Variants in EPHA6 observed in about 807,000 individuals in gnomAD.
EPHA6 encodes the protein EPH receptor A6, also known as ephrin type-A receptor 6.
In EPHA6, 50 loss-of-function variants were observed where a neutral mutation model predicts 112.0. The observed-to-expected ratio is 0.45, with a 90% CI of 0.36 to 0.56. The LOEUF (loss-of-function observed/expected upper bound fraction) is 0.56, where lower values mean the gene tolerates loss of function less well. Among genes scored for constraint, EPHA6 ranks in the 20% least tolerant of loss-of-function variants. EPHA6 has a pLI of 0.00. For synonymous variants in EPHA6, 529 were observed against 490.7 expected, an observed-to-expected ratio of 1.08 and a Z score of -1.03; for missense variants, 1,280 against 1,417.4, an observed-to-expected ratio of 0.90 and a Z score of 1.56.
At chr3:97,348,930 T>G (rs2083668705) in intron 5 of EPHA6, among the ~76,000 whole-genome samples, 1 of 152,204 alleles carries the variant, frequency 6.6e-6, no homozygotes, top group East Asian at 1.9e-4. Context: ...TTTTACCAAA[T>G]AGACAATTAT....
intron 14 of EPHA6, among the ~76,000 whole-genome samples, chr3:97,707,305 G>C (rs1444984553): frequency 6.6e-6 from 1 of 152,038 alleles, no homozygotes; most frequent in African/African-American, 2.4e-5. Context: ...GTAAAAAGAA[G>C]AATGAAAGAT....
chr3:96,900,610 C>T (rs1175687593), intron 2 of EPHA6, among the ~76,000 whole-genome samples: 2 of 152,180 alleles, frequency 1.3e-5, no homozygotes, highest in African/African-American at 4.8e-5. Flanking sequence ...ACGGCTGTGA[C>T]AGCAAGCATG....
intron 1 of EPHA6, among the ~76,000 whole-genome samples, chr3:96,863,005 C>A (rs1282795845): frequency 6.6e-6 from 1 of 151,940 alleles, no homozygotes; most frequent in Non-Finnish European, 1.5e-5. Context: ...TGCAGTTACA[C>A]AGACACATTC....
chr3:97,109,797 A>C (rs1576504145), intron 3 of EPHA6, among the ~76,000 whole-genome samples: 1 of 152,148 alleles, frequency 6.6e-6, no homozygotes, highest in Non-Finnish European at 1.5e-5. Flanking sequence ...GACCTTATGA[A>C]GATATGGCCT....
chr3:96,921,701 G>T (rs1241500988), intron 2 of EPHA6, among the ~76,000 whole-genome samples: 1 of 151,586 alleles, frequency 6.6e-6, no homozygotes, highest in African/African-American at 2.4e-5. Context: ...CCAACTAGCT[G>T]GTACTACAGG....
chr3:96,955,708 A>G (rs1559621208), intron 2 of EPHA6, among the ~76,000 whole-genome samples: 3 of 152,332 alleles, frequency 2.0e-5, no homozygotes, highest in African/African-American at 7.2e-5. Flanking sequence ...ACCTTCACGG[A>G]TGGAATTCAA....
intron 5 of EPHA6, among the ~76,000 whole-genome samples, chr3:97,294,484 AT>A (rs2080807017): frequency 6.6e-6 from 1 of 152,174 alleles, no homozygotes; most frequent in Non-Finnish European, 1.5e-5. Context: ...ACCAGTCTAT[AT>A]TTTTCAGTAG....
At chr3:96,956,901 T>TA (rs1365405771) in intron 2 of EPHA6, among the ~76,000 whole-genome samples, 4 of 151,644 alleles carry the variant, frequency 2.6e-5, no homozygotes, top group African/African-American at 4.8e-5. Flanking sequence ...GGTGTGGTGA[T>TA]ACGTGCCTGT....
Position 97,242,369 on chromosome 3 carries a change from C to T in EPHA6, c.1271-1583C>T, listed in dbSNP as rs563640887. The stretch of plus-strand genomic sequence containing the variant: ...GAACAAGAATGGCATACTTTCTATT[C>T]CTAATATTTTTCCCACCCCTCTGCA... On this transcript the variant is annotated intron_variant, in intron 4 of 17. Transcript: ENST00000389672. Among the ~76,000 whole-genome samples, 116 of 151,892 alleles carry T rather than the reference C, an allele frequency of 7.6e-4. 1 individual carries two copies. The Middle Eastern group carries it at 0.01, about 13-fold the overall frequency.
At position 97,102,651 on chromosome 3, in the gene EPHA6, G is replaced by T. The variant is rs1345356791; in HGVS notation, c.1114+114658G>T. Among the ~76,000 whole-genome samples, 5 of 152,078 alleles carry T rather than the reference G, an allele frequency of 3.3e-5. No homozygotes were observed. In the East Asian group the frequency reaches 7.7e-4, roughly 23 times the overall value. On this transcript the variant is annotated intron_variant, in intron 3 of 17. Transcript: ENST00000389672. Reference sequence around the variant, plus strand: ...TGGGTATATACCCAGTAATGGGATTGCTGGGTTAAATGGTAGTTCTGTTTT... The same window carrying T: ...TGGGTATATACCCAGTAATGGGATTTCTGGGTTAAATGGTAGTTCTGTTTT...
chr3:97,538,993 TTCTTTC>T (rs2092802226), intron 11 of EPHA6, among the ~76,000 whole-genome samples: 1 of 142,518 alleles, frequency 7.0e-6, no homozygotes, highest in Non-Finnish European at 1.5e-5. Flanking sequence ...CTTTCTTTCT[TTCTTTC>T]TTTCTTTCTT....
At chr3:97,570,764 T>G (rs1422624976) in intron 11 of EPHA6, among the ~76,000 whole-genome samples, 1 of 152,066 alleles carries the variant, frequency 6.6e-6, no homozygotes, top group African/African-American at 2.4e-5. Context: ...CTTTAAATGT[T>G]AAACCATGAC....
At chr3:96,853,193 T>G (rs554492161) in intron 1 of EPHA6, among the ~76,000 whole-genome samples, 5 of 152,016 alleles carry the variant, frequency 3.3e-5, no homozygotes, top group Admixed American at 2.0e-4. Context: ...GGTGTAAAGG[T>G]TTTTCAATAT....
chr3:96,942,757 C>T (rs1345974206), intron 2 of EPHA6, among the ~76,000 whole-genome samples: 3 of 152,194 alleles, frequency 2.0e-5, no homozygotes, highest in Non-Finnish European at 4.4e-5. Flanking sequence ...CATCTTGGCT[C>T]CCGCTGCTCT....
intron 11 of EPHA6, among the ~76,000 whole-genome samples, chr3:97,571,404 C>T (rs1478750677): frequency 6.6e-6 from 1 of 151,962 alleles, no homozygotes; most frequent in African/African-American, 2.4e-5. Flanking sequence ...AGTTAAAACC[C>T]TTTCATTTGA....
intron 7 of EPHA6, among the ~76,000 whole-genome samples, chr3:97,466,000 C>T (rs2091039248): frequency 6.6e-6 from 1 of 151,560 alleles, no homozygotes; most frequent in Non-Finnish European, 1.5e-5. Context: ...TGCATCTATG[C>T]AATTTTTATT....
intron 2 of EPHA6, among the ~76,000 whole-genome samples, chr3:96,952,812 A>G (rs138519697): frequency 6.6e-6 from 1 of 152,118 alleles, no homozygotes; most frequent in Admixed American, 6.6e-5. Flanking sequence ...AATGATAAGA[A>G]CACATGGACA....
At chr3:97,420,084 A>T (rs1047612557) in intron 6 of EPHA6, among the ~76,000 whole-genome samples, 2 of 152,150 alleles carry the variant, frequency 1.3e-5, no homozygotes, top group Non-Finnish European at 2.9e-5. Context: ...TCATGGGTCA[A>T]TTGATCAACA....
intron 3 of EPHA6, among the ~76,000 whole-genome samples, chr3:97,010,522 G>T (rs922893172): frequency 4.0e-5 from 6 of 151,812 alleles, no homozygotes; most frequent in African/African-American, 1.2e-4. Flanking sequence ...TATCAAACTT[G>T]TTATTTTTTA....
Sources: gnomAD v4.1 joint callset for allele counts (sites outside exome capture counted in the v4.1 genomes callset) on GRCh38, gnomAD v4.1.1 for gene constraint, MANE v1.5 for transcripts, NCBI Gene and HGNC (gene_info 2026-07-23, HGNC 2026-07-21) for gene names.